RUNX1: variants seen among roughly 807,000 people sequenced by gnomAD.
RUNX1 encodes the protein RUNX family transcription factor 1.
RUNX1 carries 19 observed loss-of-function variants against 42.8 expected under a neutral mutation model. The observed-to-expected ratio is 0.44, with a 90% CI of 0.31 to 0.65. The LOEUF (loss-of-function observed/expected upper bound fraction) is 0.65, where lower values mean the gene tolerates loss of function less well. Ranked by LOEUF, RUNX1 falls within the 30% of genes least tolerant of loss-of-function variation. RUNX1 has a pLI of 0.07. For missense variants in RUNX1, 528 were observed against 672.0 expected (o/e 0.79, Z 2.37); for synonymous variants, 271 against 289.4 (o/e 0.94, Z 0.64).
At chr21:34,969,482 G>A (rs554978160) in intron 2 of RUNX1, among the ~76,000 whole-genome samples, 1 of 152,084 alleles carries the variant, frequency 6.6e-6, no homozygotes, top group Admixed American at 6.5e-5. Flanking sequence ...AATAGCAAAA[G>A]GAAATGAAAA....
At chr21:34,980,275 G>GA (rs1014885356) in intron 2 of RUNX1, among the ~76,000 whole-genome samples, 126 of 152,298 alleles carry the variant, frequency 8.3e-4, no homozygotes, top group African/African-American at 2.8e-3. Context: ...AGTACCCAGG[G>GA]AAAAATCACA....
intron 6 of RUNX1, among the ~76,000 whole-genome samples, chr21:34,847,354 A>AT (rs1018003055): frequency 1.3e-5 from 2 of 152,266 alleles, no homozygotes; most frequent in Non-Finnish European, 1.5e-5. Flanking sequence ...AAATGTTTAA[A>AT]TTTTTTCTCT....
intron 4 of RUNX1, among the ~76,000 whole-genome samples, chr21:34,881,516 C>A (rs1160311784): frequency 1.3e-5 from 2 of 152,198 alleles, no homozygotes; most frequent in East Asian, 3.9e-4. Context: ...ACATTCACTT[C>A]TATGCACTCC....
chr21:35,041,874 G>A (rs987100605), intron 2 of RUNX1, among the ~76,000 whole-genome samples: 1 of 151,182 alleles, frequency 6.6e-6, no homozygotes, highest in Non-Finnish European at 1.5e-5. Context: ...ACCTCTTTAG[G>A]GAAATTTATG....
At chr21:34,895,097 T>A (rs1322505183) in intron 2 of RUNX1, among the ~76,000 whole-genome samples, 1 of 152,174 alleles carries the variant, frequency 6.6e-6, no homozygotes, top group Non-Finnish European at 1.5e-5. Flanking sequence ...TCTTGGAAAT[T>A]CTTCACCATG....
At chr21:34,932,024 C>T (rs2058451217) in intron 2 of RUNX1, among the ~76,000 whole-genome samples, 1 of 152,026 alleles carries the variant, frequency 6.6e-6, no homozygotes, top group African/African-American at 2.4e-5. Context: ...AACCAATAAA[C>T]TAGGAGCTTA....
chr21:34,935,440 G>T (rs369755474), intron 2 of RUNX1, among the ~76,000 whole-genome samples: 2 of 152,192 alleles, frequency 1.3e-5, no homozygotes, highest in South Asian at 2.1e-4. Context: ...GTTGAAGAAA[G>T]AAATGAAATA....
At chr21:35,042,907 T>C (rs561095089) in intron 2 of RUNX1, among the ~76,000 whole-genome samples, 58 of 152,350 alleles carry the variant, frequency 3.8e-4, no homozygotes, top group Admixed American at 5.2e-4. Flanking sequence ...GTTTCGGATT[T>C]AGTGTTTATT....
intron 2 of RUNX1, among the ~76,000 whole-genome samples, chr21:34,913,797 C>T (rs1049860377): frequency 6.6e-6 from 1 of 152,268 alleles, no homozygotes; most frequent in Non-Finnish European, 1.5e-5. Context: ...TGTTTTGGCT[C>T]TTGATTGAAC....
At chr21:34,904,328 A>G (rs1033744815) in intron 2 of RUNX1, among the ~76,000 whole-genome samples, 2 of 152,202 alleles carry the variant, frequency 1.3e-5, no homozygotes, top group African/African-American at 4.8e-5. Flanking sequence ...AAACTAAAAC[A>G]TCTGAAAATA....
At chr21:34,881,128 C>CT (rs1387001141) in intron 4 of RUNX1, among the ~76,000 whole-genome samples, 1 of 152,170 alleles carries the variant, frequency 6.6e-6, no homozygotes. Flanking sequence ...TATGCCGTCT[C>CT]CTGAATACAA....
Position 34,888,939 on chromosome 21 carries a change from A to C in RUNX1, c.98-1843T>G, listed in dbSNP as rs558811767. On this transcript the variant is annotated intron_variant, in intron 3 of 8. Transcript: ENST00000675419. ...CCCCGCGCCCCGCATCCAAGCCTGCATGCTGGCCCGGGGCCCCGCCCGCGT... is the reference window on the plus strand; with the variant it reads ...CCCCGCGCCCCGCATCCAAGCCTGCCTGCTGGCCCGGGGCCCCGCCCGCGT... 3.2e-3 allele frequency among the ~76,000 whole-genome samples: 480 copies of C among 151,426 alleles called. 3 individuals are homozygous for C. Among genetic ancestry groups the C allele is most frequent in the African/African-American group, 0.011 (464 of 41,402 alleles).
intron 2 of RUNX1, among the ~76,000 whole-genome samples, chr21:34,964,879 A>G (rs1427630579): frequency 6.6e-6 from 1 of 152,168 alleles, no homozygotes; most frequent in East Asian, 1.9e-4. Flanking sequence ...CAATGCTCTC[A>G]GCACACACGT....
rs9979054 is a variant in RUNX1, at chr21:34,841,623, C to G, written c.614-7022G>C. On this transcript the variant is annotated intron_variant, in intron 6 of 8. Transcript: ENST00000675419. Reference sequence around the variant, plus strand: ...ATAGGTTGAGCTCCCCTCTTTGCTCCGGCAGCAGTGGCCACCTTGCTCTTG... The same window carrying G: ...ATAGGTTGAGCTCCCCTCTTTGCTCGGGCAGCAGTGGCCACCTTGCTCTTG... 6.6e-5 allele frequency among the ~76,000 whole-genome samples: 10 copies of G among 152,290 alleles called. No homozygotes were observed. The East Asian group carries it at 1.9e-3, about 29-fold the overall frequency.
chr21:34,895,056 C>G (rs904465521), intron 2 of RUNX1, among the ~76,000 whole-genome samples: 1 of 151,894 alleles, frequency 6.6e-6, no homozygotes, highest in African/African-American at 2.4e-5. Context: ...CACTTTTATC[C>G]CCCCCGTCTC....
At chr21:34,958,408 T>C (rs1212259276) in intron 2 of RUNX1, among the ~76,000 whole-genome samples, 1 of 152,128 alleles carries the variant, frequency 6.6e-6, no homozygotes, top group African/African-American at 2.4e-5. Context: ...CAGACACTTC[T>C]CAAAAGAAGA....
At chr21:35,049,080 C>A (rs531454595) in intron 1 of RUNX1, 88 bp downstream of exon 1, 2 of 607,362 alleles carry the variant, frequency 3.3e-6, no homozygotes, top group African/African-American at 1.9e-5. Flanking sequence ...AAAAAATGCA[C>A]CTTTGTAAAA....
chr21:34,791,288 A>G lies in RUNX1; in HGVS notation c.*847T>C. On this transcript the variant is annotated 3_prime_UTR_variant, in exon 9 of 9. Coordinates refer to ENST00000675419, the MANE Select transcript of RUNX1 (RefSeq NM_001754.5). ...TATCAAGAACAAAAGAAAATGTAGTACTTGATATTTTTCTTAATATAAGTA... is the reference window on the plus strand; with the variant it reads ...TATCAAGAACAAAAGAAAATGTAGTGCTTGATATTTTTCTTAATATAAGTA... The G allele has an allele frequency of 4.3e-6, 1 of 232,602 alleles. No homozygotes were observed. The highest frequency in any genetic ancestry group is 8.5e-6 in the Non-Finnish European group (1 of 117,408). 14.4% of individuals were successfully genotyped at this position (232,602 alleles called of 1,614,324 possible). A position where few individuals can be genotyped will look rare whatever the true frequency, so the allele number is the denominator to read the frequency against.
intron 2 of RUNX1, among the ~76,000 whole-genome samples, chr21:34,923,687 G>GAACACATTTCCCTGCTTGAAAGCCTTC (rs1555905178): frequency 4.1e-5 from 6 of 147,436 alleles, no homozygotes; most frequent in African/African-American, 1.1e-4. Flanking sequence ...CAGCAATTCT[G>GAACACATTTCCCTGCTTGAAAGCCTTC]TCAACCATCA....
Sources: gnomAD v4.1 joint callset for allele counts (sites outside exome capture counted in the v4.1 genomes callset) on GRCh38, gnomAD v4.1.1 for gene constraint, MANE v1.5 for transcripts, NCBI Gene and HGNC (gene_info 2026-07-23, HGNC 2026-07-21) for gene names.